PPIL6: variants seen among roughly 807,000 people sequenced by gnomAD.
PPIL6 encodes the protein peptidylprolyl isomerase like 6, also known as probable inactive peptidyl-prolyl cis-trans isomerase-like 6.
Under a neutral mutation model 36.8 loss-of-function variants are expected in PPIL6, and 39 were observed. That is an observed-to-expected ratio of 1.06 (90% CI 0.82 to 1.38). PPIL6 has a LOEUF of 1.38. Ranked by LOEUF, PPIL6 falls within the 40% of genes most tolerant of loss-of-function variation. The pLI, the probability that PPIL6 is intolerant of heterozygous loss-of-function variation, is 0.00. For synonymous variants in PPIL6, 123 were observed against 134.1 expected (o/e 0.92, Z 0.57); for missense variants, 368 against 379.1 (o/e 0.97, Z 0.24).
Position 109,405,043 on chromosome 6 carries a change from C to T in PPIL6, c.689-4873G>A, listed in dbSNP as rs1170887909. ...CACTCCAGCATGGGTGACAGAGAGA[C>T]TCCGTCTCAAAAAAGGAAAAAAAAA... On this transcript the variant is annotated intron_variant, in intron 6 of 7. Coordinates refer to ENST00000521072, the MANE Select transcript of PPIL6 (RefSeq NM_173672.5). 1.3e-5 allele frequency: 5 copies of T among 390,020 alleles called. No individual in the cohort carries two copies. In the Admixed American group the frequency reaches 1.8e-4, roughly 14 times the overall value. 24.2% of individuals were successfully genotyped at this position (390,020 alleles called of 1,614,324 possible). A position where few individuals can be genotyped will look rare whatever the true frequency, so the allele number is the denominator to read the frequency against.
intron 1 of PPIL6, 133 bp from the exon 2 acceptor site, chr6:109,436,332 T>C (rs1774447073): frequency 1.7e-6 from 1 of 602,134 alleles, no homozygotes; most frequent in Non-Finnish European, 2.9e-6. Flanking sequence ...GACTGAGATA[T>C]TCCTTGCTCG....
At chr6:109,395,978 G>A (rs961735121) in intron 7 of PPIL6, among the ~76,000 whole-genome samples, 1 of 151,602 alleles carries the variant, frequency 6.6e-6, no homozygotes, top group Non-Finnish European at 1.5e-5. Context: ...GACTACAGGC[G>A]CCTGCCACCA....
chr6:109,415,344 G>A (rs763217599), intron 6 of PPIL6, among the ~76,000 whole-genome samples: 23 of 152,112 alleles, frequency 1.5e-4, no homozygotes, highest in Non-Finnish European at 2.1e-4. Flanking sequence ...GAACCCTTCC[G>A]CCAGATTGTC....
chr6:109,420,388 C>T (rs1773484802), intron 5 of PPIL6, among the ~76,000 whole-genome samples: 1 of 138,906 alleles, frequency 7.2e-6, no homozygotes, highest in Admixed American at 7.1e-5. Flanking sequence ...ATAGGTGCTG[C>T]AAACAGAATT....
intron 5 of PPIL6, among the ~76,000 whole-genome samples, chr6:109,426,389 G>A (rs1773816182): frequency 6.6e-6 from 1 of 152,096 alleles, no homozygotes; most frequent in African/African-American, 2.4e-5. Context: ...AAAAGAAAGA[G>A]AACATAGAAA....
Position 109,440,520 on chromosome 6 carries a change from A to T in PPIL6, c.71T>A (p.Leu24Gln). 6.6e-7 allele frequency: 1 copy of T among 1,511,202 alleles called. No homozygotes were observed. Among genetic ancestry groups the T allele is most frequent in the Non-Finnish European group, 8.8e-7 (1 of 1,130,866 alleles). The allele number at this position is 1,511,202 out of a possible 1,614,324, so 93.6% of individuals were successfully genotyped here. A position where few individuals can be genotyped will look rare whatever the true frequency, so the allele number is the denominator to read the frequency against. ...CGSPSLPERP[L>Q]QVKVVGLFSC... ...GAAGAGCCCCACCACCTTCACCTGC[A>T]GCGGCCGCTCCGGCAGCGACGGCGA... The change falls in exon 1 of 8, where the codon CTG becomes CAG. Residue 24 changes from leucine to glutamine, a missense_variant. Transcript: ENST00000521072.
intron 6 of PPIL6, chr6:109,403,126 T>G (rs746782487): frequency 6.2e-6 from 9 of 1,457,526 alleles, no homozygotes; most frequent in Non-Finnish European, 8.2e-6. Context: ...TAAAGAGCTA[T>G]AATTTAAATT....
chr6:109,395,729 C>G (rs1304556806), intron 7 of PPIL6, among the ~76,000 whole-genome samples: 1 of 151,818 alleles, frequency 6.6e-6, no homozygotes, highest in African/African-American at 2.4e-5. Context: ...CTCAGCCTCC[C>G]GAGCAGCCGG....
intron 6 of PPIL6, among the ~76,000 whole-genome samples, chr6:109,402,493 G>A (rs946195378): frequency 4.6e-5 from 7 of 151,414 alleles, no homozygotes; most frequent in Non-Finnish European, 7.4e-5. Context: ...CTGAGATTGC[G>A]CCAATGCACT....
At chr6:109,419,082 A>G (rs561192910) in intron 6 of PPIL6, 105 bp downstream of exon 6, 34 of 765,054 alleles carry the variant, frequency 4.4e-5, no homozygotes, top group Middle Eastern at 5.4e-4. Context: ...TTGTACTGTA[A>G]GTATTGCCCC....
At chr6:109,434,893 A>G (rs952992307) in intron 2 of PPIL6, among the ~76,000 whole-genome samples, 1 of 152,178 alleles carries the variant, frequency 6.6e-6, no homozygotes, top group African/African-American at 2.4e-5. Context: ...CTACCAACTG[A>G]ACAGGTTGTC....
intron 2 of PPIL6, among the ~76,000 whole-genome samples, chr6:109,434,376 C>T (rs1297944994): frequency 5.3e-5 from 8 of 151,854 alleles, no homozygotes; most frequent in Non-Finnish European, 1.0e-4. Flanking sequence ...GCCAAAATAG[C>T]GAGACCCTGT....
At chr6:109,418,732 G>T (rs1316418942) in intron 6 of PPIL6, among the ~76,000 whole-genome samples, 1 of 151,852 alleles carries the variant, frequency 6.6e-6, no homozygotes, top group African/African-American at 2.4e-5. Flanking sequence ...AGTAGAGATG[G>T]AGTTTCACCA....
intron 5 of PPIL6, among the ~76,000 whole-genome samples, chr6:109,426,049 G>C (rs1773800621): frequency 1.3e-5 from 2 of 152,196 alleles, no homozygotes; most frequent in South Asian, 4.1e-4. Context: ...ACTTGAAAGT[G>C]AGGTTAGATA....
chr6:109,402,008 C>T (rs1772569370), intron 6 of PPIL6, among the ~76,000 whole-genome samples: 1 of 151,080 alleles, frequency 6.6e-6, no homozygotes. Flanking sequence ...CAGGCGTGAG[C>T]CACCGCGCCC....
intron 5 of PPIL6, among the ~76,000 whole-genome samples, chr6:109,423,093 A>C (rs901991053): frequency 6.6e-6 from 1 of 152,156 alleles, no homozygotes; most frequent in Non-Finnish European, 1.5e-5. Context: ...TCAGCTGGGC[A>C]CGGTGGCTCA....
chr6:109,427,535 C>T, intron 3 of PPIL6, among the ~76,000 whole-genome samples: 1 of 152,038 alleles, frequency 6.6e-6, no homozygotes, highest in Admixed American at 6.6e-5. Context: ...ACACATGCAC[C>T]ACCACCAGGC....
At chr6:109,400,822 G>T (rs1279732429) in intron 6 of PPIL6, among the ~76,000 whole-genome samples, 2 of 152,040 alleles carry the variant, frequency 1.3e-5, no homozygotes, top group South Asian at 2.1e-4. Context: ...GATGATGAAA[G>T]GAAATTAATT....
chr6:109,432,084 A>G (rs1309937242), intron 2 of PPIL6, among the ~76,000 whole-genome samples: 1 of 152,228 alleles, frequency 6.6e-6, no homozygotes, highest in African/African-American at 2.4e-5. Flanking sequence ...ACCTGTTAAT[A>G]TATTAACTTG....
Sources: allele counts gnomAD v4.1 joint callset (sites outside exome capture counted in the v4.1 genomes callset), GRCh38; gene constraint gnomAD v4.1.1; transcripts MANE v1.5; gene names NCBI Gene and HGNC (gene_info 2026-07-23, HGNC 2026-07-21).